The following BANK1 variants were observed in gnomAD, a reference collection of about 807,000 sequenced individuals.
BANK1 encodes the protein B cell scaffold protein with ankyrin repeats 1, also known as B-cell scaffold protein with ankyrin repeats.
Under a neutral mutation model 94.5 loss-of-function variants are expected in BANK1, and 95 were observed. That is an observed-to-expected ratio of 1.00 (90% CI 0.85 to 1.19). The LOEUF (loss-of-function observed/expected upper bound fraction) is 1.19, where lower values mean the gene tolerates loss of function less well. BANK1 is among the 50% of genes most tolerant of loss of function. The pLI is 0.00. For missense variants in BANK1, 987 were observed against 932.2 expected (o/e 1.06, Z -0.77); for synonymous variants, 334 against 308.4 (o/e 1.08, Z -0.87).
At chr4:102,040,404 GGAC>G (rs1437308143) in intron 10 of BANK1, among the ~76,000 whole-genome samples, 1 of 151,830 alleles carries the variant, frequency 6.6e-6, no homozygotes, top group Non-Finnish European at 1.5e-5. Flanking sequence ...TTTTGTCTGT[GGAC>G]TTTTTATGTT....
intron 7 of BANK1, among the ~76,000 whole-genome samples, chr4:101,968,370 A>G (rs1724834172): frequency 6.6e-6 from 1 of 152,146 alleles, no homozygotes; most frequent in Non-Finnish European, 1.5e-5. Flanking sequence ...GGCATAGAAG[A>G]TAAAGAACAT....
intron 5 of BANK1, among the ~76,000 whole-genome samples, chr4:101,882,179 G>A (rs1728701491): frequency 6.6e-6 from 1 of 151,880 alleles, no homozygotes; most frequent in Admixed American, 6.6e-5. Context: ...AACATCTCAT[G>A]TCCCCCATAA....
chr4:102,007,092 A>ATATATTATAT (rs1322128290), intron 7 of BANK1, among the ~76,000 whole-genome samples: 41 of 82,296 alleles, frequency 5.0e-4, no homozygotes, highest in African/African-American at 1.6e-3. Flanking sequence ...ATATATATAT[A>ATATATTATAT]ATATATTTAT....
chr4:101,914,956 A>G (rs749830791), intron 6 of BANK1, among the ~76,000 whole-genome samples: 2 of 152,158 alleles, frequency 1.3e-5, no homozygotes, highest in Non-Finnish European at 2.9e-5. Flanking sequence ...CTGAAATAAG[A>G]AGGCATATGG....
At chr4:101,866,634 A>ATTACGTTGAATTTC (rs1560608069) in intron 4 of BANK1, among the ~76,000 whole-genome samples, 1 of 118,708 alleles carries the variant, frequency 8.4e-6, no homozygotes, top group African/African-American at 3.8e-5. Flanking sequence ...GAGTATAGGA[A>ATTACGTTGAATTTC]TACCATTTGA....
At chr4:101,904,519 C>T (rs1441901111) in intron 6 of BANK1, among the ~76,000 whole-genome samples, 1 of 152,210 alleles carries the variant, frequency 6.6e-6, no homozygotes, top group Admixed American at 6.5e-5. Context: ...TGGCCTCCAT[C>T]AAAAATTATT....
chr4:102,025,191 T>A lies in BANK1; in HGVS notation c.1286-10T>A, dbSNP rs1409379270. 4 of 1,611,422 alleles carry A rather than the reference T, an allele frequency of 2.5e-6. No homozygotes were observed. The African/African-American group carries it at 5.3e-5, about 22-fold the overall frequency. On this transcript the variant is annotated splice_polypyrimidine_tract_variant and intron_variant, in intron 8 of 16. Transcript: ENST00000322953. Reference sequence around the variant, plus strand: ...TTTAAATGAAATCATGCAATCTTCATCATAAACAGCCACACAGAACCCAGC... The same window carrying A: ...TTTAAATGAAATCATGCAATCTTCAACATAAACAGCCACACAGAACCCAGC...
chr4:102,037,636 T>G (rs1727553431), intron 10 of BANK1, among the ~76,000 whole-genome samples: 2 of 152,194 alleles, frequency 1.3e-5, no homozygotes, highest in Admixed American at 1.3e-4. Context: ...TGAAGCCAGA[T>G]GGAACGGAAT....
chr4:101,933,693 G>A (rs1196436066), intron 7 of BANK1, among the ~76,000 whole-genome samples: 1 of 151,486 alleles, frequency 6.6e-6, no homozygotes, highest in Non-Finnish European at 1.5e-5. Context: ...CATTCAGAAA[G>A]TAGCATCAAC....
In BANK1 at chr4:102,060,316, T is replaced by C. The variant is rs1268187828; in HGVS notation, c.2075T>C (p.Met692Thr). 6 of 1,609,628 alleles carry C rather than the reference T, an allele frequency of 3.7e-6. No homozygotes were observed. Among genetic ancestry groups the C allele is most frequent in the Non-Finnish European group, 5.1e-6 (6 of 1,178,552 alleles). The change falls in exon 12 of 17, where the codon ATG becomes ACG. Residue 692 changes from methionine to threonine, a missense_variant. Transcript: ENST00000322953. The stretch of plus-strand genomic sequence containing the variant: ...CAGGAGAAAGTAAAGAATGGGAAAA[T>C]GTCTATGGATGAAGCTCTGGAGAAA... ...LLQEKVKNGK[M>T]SMDEALEKFK...
chr4:101,974,077 T>C (rs765736761), intron 7 of BANK1, among the ~76,000 whole-genome samples: 1 of 152,084 alleles, frequency 6.6e-6, no homozygotes, highest in Non-Finnish European at 1.5e-5. Flanking sequence ...ACTTATTGTC[T>C]CAAGGAGAAA....
intron 6 of BANK1, among the ~76,000 whole-genome samples, chr4:101,898,476 T>C (rs1018215741): frequency 6.6e-6 from 1 of 152,186 alleles, no homozygotes; most frequent in African/African-American, 2.4e-5. Context: ...TGGTGAACTA[T>C]TTTATTTATT....
intron 11 of BANK1, among the ~76,000 whole-genome samples, chr4:102,055,831 G>T (rs926014701): frequency 1.3e-5 from 2 of 151,996 alleles, no homozygotes; most frequent in Non-Finnish European, 2.9e-5. Flanking sequence ...ACATGTAAGG[G>T]AATCCCAGTC....
rs748214974 is a variant in BANK1 at position 102,060,305 on chromosome 4, G to A, written c.2064G>A (p.Lys688=). The change falls in exon 12 of 17, where the codon AAG becomes AAA. Residue 688 remains lysine, a synonymous_variant. Transcript: ENST00000322953. Reference sequence around the variant, plus strand: ...TCATCCTCCTGCAGGAGAAAGTAAAGAATGGGAAAATGTCTATGGATGAAG... The same window carrying A: ...TCATCCTCCTGCAGGAGAAAGTAAAAAATGGGAAAATGTCTATGGATGAAG... ...EELILLQEKV[K]NGKMSMDEAL... 1 of 1,610,592 alleles carries A rather than the reference G, an allele frequency of 6.2e-7. No homozygotes were observed. Among genetic ancestry groups the A allele is most frequent in the African/African-American group, 1.3e-5 (1 of 74,606 alleles).
rs555037239 is a variant in BANK1, at chr4:101,911,851, A to T, written c.1010-6142A>T. Among the ~76,000 whole-genome samples, 30 of 152,316 alleles carry T rather than the reference A, an allele frequency of 2.0e-4. No individual in the cohort carries two copies. The South Asian group carries it at 3.7e-3, about 19-fold the overall frequency. The stretch of plus-strand genomic sequence containing the variant: ...TCTGTGCTCAAGTACCAAGGCACAT[A>T]TGTTTGTCTTCTCTGGACCAACACA... On this transcript the variant is annotated intron_variant, in intron 6 of 16. Coordinates refer to ENST00000322953, the MANE Select transcript of BANK1 (RefSeq NM_017935.5).
intron 7 of BANK1, among the ~76,000 whole-genome samples, chr4:102,018,683 TTTAATC>T: frequency 6.6e-6 from 1 of 152,368 alleles, no homozygotes; most frequent in East Asian, 1.9e-4. Context: ...GATTCTGTCA[TTTAATC>T]TTAATCTTTC....
chr4:102,047,292 G>A (rs1024154084), intron 11 of BANK1, among the ~76,000 whole-genome samples: 5 of 152,078 alleles, frequency 3.3e-5, no homozygotes, highest in Admixed American at 2.6e-4. Flanking sequence ...CACGGTGTTT[G>A]AATGCAACAC....
At chr4:102,042,068 A>G (rs988453778) in intron 10 of BANK1, among the ~76,000 whole-genome samples, 2 of 152,076 alleles carry the variant, frequency 1.3e-5, no homozygotes, top group African/African-American at 2.4e-5. Context: ...GTCATTTCCC[A>G]TATGAATGAC....
At chr4:101,922,709 G>C (rs1232201824) in intron 7 of BANK1, among the ~76,000 whole-genome samples, 1 of 151,802 alleles carries the variant, frequency 6.6e-6, no homozygotes, top group Non-Finnish European at 1.5e-5. Context: ...GGCCCAACTA[G>C]TATGAATTTT....
Sources: gnomAD v4.1 joint callset for allele counts (sites outside exome capture counted in the v4.1 genomes callset) on GRCh38, gnomAD v4.1.1 for gene constraint, MANE v1.5 for transcripts, NCBI Gene and HGNC (gene_info 2026-07-23, HGNC 2026-07-21) for gene names.